NR6A1: variants seen among roughly 807,000 people sequenced by gnomAD.
NR6A1 encodes nuclear receptor subfamily 6 group A member 1, also known as retinoic acid receptor-related testis-associated receptor.
Under a neutral mutation model 59.1 loss-of-function variants are expected in NR6A1, and 7 were observed. The observed-to-expected ratio is 0.12, with a 90% CI of 0.07 to 0.22. The LOEUF is 0.22. Among genes scored for constraint, NR6A1 ranks in the 10% least tolerant of loss-of-function variants. NR6A1 has a pLI of 1.00. For missense variants in NR6A1, 468 were observed against 611.6 expected, an observed-to-expected ratio of 0.77 and a Z score of 2.48; for synonymous variants, 243 against 236.1, an observed-to-expected ratio of 1.03 and a Z score of -0.27.
At chr9:124,543,655 T>A (rs1833512326) in intron 4 of NR6A1, 147 bp downstream of exon 4, 7 of 569,588 alleles carry the variant, frequency 1.2e-5, no homozygotes, top group Non-Finnish European at 2.2e-5. Context: ...CACTTTCACA[T>A]CCAGGATGTA....
chr9:124,564,946 G>T (rs531901139), intron 2 of NR6A1, among the ~76,000 whole-genome samples: 2 of 152,250 alleles, frequency 1.3e-5, no homozygotes, highest in African/African-American at 4.8e-5. Context: ...TGGCATTGCA[G>T]AGCACTGAGA....
At chr9:124,557,307 G>T (rs1833958690) in intron 2 of NR6A1, among the ~76,000 whole-genome samples, 1 of 151,990 alleles carries the variant, frequency 6.6e-6, no homozygotes, top group African/African-American at 2.4e-5. Flanking sequence ...GCTAATTTTT[G>T]TATTTTCAGT....
intron 3 of NR6A1, among the ~76,000 whole-genome samples, chr9:124,551,211 C>T (rs1833768173): frequency 6.6e-6 from 1 of 152,108 alleles, no homozygotes; most frequent in Non-Finnish European, 1.5e-5. Context: ...GTACTCATTG[C>T]TCCTGGGGTA....
intron 2 of NR6A1, among the ~76,000 whole-genome samples, chr9:124,661,015 C>T (rs1837417585): frequency 1.3e-5 from 2 of 151,994 alleles, no homozygotes; most frequent in African/African-American, 4.8e-5. Context: ...AATTTCTCTC[C>T]AAAATATCAC....
intron 3 of NR6A1, among the ~76,000 whole-genome samples, chr9:124,550,369 T>C (rs1412001135): frequency 1.3e-5 from 2 of 150,016 alleles, no homozygotes; most frequent in Non-Finnish European, 3.0e-5. Flanking sequence ...GATGTTCTAA[T>C]GGTGAATTTT....
chr9:124,626,995 T>C (rs1270247795), intron 2 of NR6A1, among the ~76,000 whole-genome samples: 2 of 152,156 alleles, frequency 1.3e-5, no homozygotes, highest in African/African-American at 4.8e-5. Context: ...ATTACAGGAA[T>C]TGACTGATAC....
intron 2 of NR6A1, among the ~76,000 whole-genome samples, chr9:124,644,660 C>A (rs904003395): frequency 6.6e-6 from 1 of 152,146 alleles, no homozygotes; most frequent in Non-Finnish European, 1.5e-5. Context: ...AGCTGCACAA[C>A]GGAGAAGCCA....
chr9:124,689,282 G>C (rs1431752044), intron 2 of NR6A1, among the ~76,000 whole-genome samples: 1 of 152,132 alleles, frequency 6.6e-6, no homozygotes, highest in African/African-American at 2.4e-5. Flanking sequence ...TAAGTAATTT[G>C]TCAAAGATCA....
intron 2 of NR6A1, among the ~76,000 whole-genome samples, chr9:124,634,020 AAT>A (rs1186361213): frequency 6.6e-6 from 1 of 152,230 alleles, no homozygotes; most frequent in African/African-American, 2.4e-5. Flanking sequence ...CTCTTGACTT[AAT>A]ATATGTTTTT....
At chr9:124,634,739 G>A (rs1458822377) in intron 2 of NR6A1, among the ~76,000 whole-genome samples, 3 of 152,066 alleles carry the variant, frequency 2.0e-5, no homozygotes, top group Middle Eastern at 3.2e-3. Flanking sequence ...GGAGAATGGC[G>A]TGAACTCAGG....
At chr9:124,686,772 C>T (rs561070236) in intron 2 of NR6A1, among the ~76,000 whole-genome samples, 3 of 150,774 alleles carry the variant, frequency 2.0e-5, no homozygotes, top group South Asian at 2.1e-4. Flanking sequence ...GGCACAAACA[C>T]GGCTGACTGC....
At chr9:124,767,554 TAAG>T (rs1355096843) in intron 1 of NR6A1, among the ~76,000 whole-genome samples, 7 of 151,766 alleles carry the variant, frequency 4.6e-5, no homozygotes, top group Non-Finnish European at 1.0e-4. Context: ...CTGTATGTAC[TAAG>T]AAACAACAGT....
intron 2 of NR6A1, among the ~76,000 whole-genome samples, chr9:124,554,867 C>A (rs185904734): frequency 6.6e-6 from 1 of 152,324 alleles, no homozygotes; most frequent in Non-Finnish European, 1.5e-5. Context: ...CCCTGCTCAT[C>A]TATAACCCAT....
intron 1 of NR6A1, among the ~76,000 whole-genome samples, chr9:124,746,809 G>A (rs1840348654): frequency 4.6e-5 from 7 of 152,096 alleles, no homozygotes; most frequent in Admixed American, 4.6e-4. Flanking sequence ...TTTACCTAGT[G>A]TTTTCCATGT....
intron 2 of NR6A1, among the ~76,000 whole-genome samples, chr9:124,576,509 G>A (rs372601405): frequency 4.6e-5 from 7 of 152,016 alleles, no homozygotes; most frequent in African/African-American, 1.5e-4. Flanking sequence ...GGATGGTCTC[G>A]ATCTCCTGAC....
At chr9:124,640,991 A>G (rs1351038130) in intron 2 of NR6A1, among the ~76,000 whole-genome samples, 2 of 152,144 alleles carry the variant, frequency 1.3e-5, no homozygotes, top group African/African-American at 4.8e-5. Flanking sequence ...AGCATTTCAT[A>G]TGTTATTTTG....
At chr9:124,530,086 A>G (rs374894076) in intron 7 of NR6A1, among the ~76,000 whole-genome samples, 2 of 152,242 alleles carry the variant, frequency 1.3e-5, no homozygotes, top group East Asian at 3.9e-4. Flanking sequence ...GTGTGTGGCT[A>G]TCAGCCAGAC....
chr9:124,722,701 C>T (rs1399246135), intron 2 of NR6A1, among the ~76,000 whole-genome samples: 2 of 152,112 alleles, frequency 1.3e-5, no homozygotes, highest in African/African-American at 4.8e-5. Context: ...ACCAATATGG[C>T]AAGATATACC....
rs538267319 is a variant in NR6A1, at chr9:124,601,168, T to C, written c.143-46598A>G. Among the ~76,000 whole-genome samples the C allele has an allele frequency of 6.0e-4, 91 of 151,966 alleles. 1 individual carries two copies. The South Asian group carries it at 0.018, about 31-fold the overall frequency. On this transcript the variant is annotated intron_variant, in intron 2 of 9. Coordinates refer to ENST00000487099, the MANE Select transcript of NR6A1 (RefSeq NM_033334.4). ...GCACACGCCTGTAATTCCAGCTACT[T>C]GGGAGGCTGAGGCAGGAGAATTGCT...
Sources: gnomAD v4.1 joint callset for allele counts (sites outside exome capture counted in the v4.1 genomes callset) on GRCh38, gnomAD v4.1.1 for gene constraint, MANE v1.5 for transcripts, NCBI Gene and HGNC (gene_info 2026-07-23, HGNC 2026-07-21) for gene names.